TPT1: variants seen among roughly 807,000 people sequenced by gnomAD.
The protein encoded by TPT1 is tumor protein, translationally-controlled 1.
TPT1 carries 5 observed loss-of-function variants against 22.8 expected under a neutral mutation model. The observed-to-expected ratio is 0.22, with a 90% confidence interval of 0.11 to 0.46. The LOEUF is 0.46. TPT1 is among the 20% of genes least tolerant of loss of function. TPT1 has a pLI of 0.99. For synonymous variants in TPT1, 89 were observed against 73.6 expected (o/e 1.21, Z -1.07); for missense variants, 130 against 218.7 (o/e 0.59, Z 2.56).
At position 45,334,015 on chromosome 13, in the gene TPT1, C is replaced by T. The variant is rs949819764; in HGVS notation, c.*3371G>A. On this transcript the variant is annotated 3_prime_UTR_variant, in exon 6 of 6. Transcript: ENST00000530705. The stretch of plus-strand genomic sequence containing the variant: ...AGTGCAGTGGTATGATCACAGCTCA[C>T]TGCACCCTCAATCTCTCGGACTCAA... 6.6e-6 allele frequency: 1 copy of T among 152,202 alleles called. No individual in the cohort carries two copies. Among genetic ancestry groups the T allele is most frequent in the Admixed American group, 6.5e-5 (1 of 15,270 alleles). The allele number at this position is 152,202 out of a possible 1,614,324, so 9.4% of individuals were successfully genotyped here.
At position 45,336,433 on chromosome 13, in the gene TPT1, G is replaced by A. The variant is rs1878703138; in HGVS notation, c.*953C>T. 1 of 152,194 alleles carries A rather than the reference G, an allele frequency of 6.6e-6. No homozygotes were observed. The highest frequency in any genetic ancestry group is 2.4e-5 in the African/African-American group (1 of 41,436). The allele number at this position is 152,194 out of a possible 1,614,324, so 9.4% of individuals were successfully genotyped here. ...AGCAGATAGCAACTGCTCCAGGTCT[G>A]TCAAATAGATGCATTTTCTTATTCA... On this transcript the variant is annotated 3_prime_UTR_variant, in exon 6 of 6. Coordinates refer to ENST00000530705, the MANE Select transcript of TPT1 (RefSeq NM_003295.4).
In TPT1 at chr13:45,340,103, T is replaced by C. The variant is rs371945614; in HGVS notation, c.184A>G (p.Thr62Ala). 1.2e-6 allele frequency: 2 copies of C among 1,614,094 alleles called. No individual in the cohort carries two copies. The highest frequency in any genetic ancestry group is 1.3e-5 in the African/African-American group (1 of 74,934). Residue 62 changes from threonine to alanine, a missense_variant, in exon 3 of 6, where the codon ACC (threonine) becomes GCC (alanine). Coordinates refer to ENST00000530705, the MANE Select transcript of TPT1 (RefSeq NM_003295.4). Reference sequence around the variant, plus strand: ...ACACCAGTGATTACTGTGCTTTCGGTACCTTCGCCCTCGGGGCCTTCAGCG... The same window carrying C: ...ACACCAGTGATTACTGTGCTTTCGGCACCTTCGCCCTCGGGGCCTTCAGCG... ...ASAEGPEGEG[T>A]ESTVITGVDI...
intron 2 of TPT1, 88 bp from the exon 3 acceptor site, chr13:45,340,272 T>A (rs150037395): frequency 1.4e-6 from 2 of 1,457,924 alleles, no homozygotes; most frequent in African/African-American, 1.4e-5. Flanking sequence ...TAAGAAGTAT[T>A]CTTAGTTCTT....
chr13:45,340,449 A>C, intron 2 of TPT1: 1 of 737,182 alleles, frequency 1.4e-6, no homozygotes, highest in East Asian at 2.7e-5. Flanking sequence ...AAGTGGGGAC[A>C]GGACAAACAC....
chr13:45,340,350 A>C (rs1566177517), intron 2 of TPT1, 166 bp from the exon 3 acceptor site: 1 of 1,013,676 alleles, frequency 9.9e-7, no homozygotes, highest in Non-Finnish European at 1.5e-6. Context: ...AAACGACCTA[A>C]CTTAAAAGAG....
intron 3 of TPT1, 36 bp from the exon 4 acceptor site, chr13:45,339,638 A>T (rs1432395108): frequency 6.5e-7 from 1 of 1,528,562 alleles, no homozygotes. Context: ...TGAAGTATTG[A>T]ATTTTCAGTA....
chr13:45,334,558 T>C lies in TPT1; in HGVS notation c.*2828A>G, dbSNP rs1340509108. On this transcript the variant is annotated 3_prime_UTR_variant, in exon 6 of 6. Transcript: ENST00000530705. The stretch of plus-strand genomic sequence containing the variant: ...CTTCCAAACGCTCAGACCAAAATAC[T>C]TGTATCAACATTAAATCCATCCTCA... 6.6e-6 allele frequency: 1 copy of C among 152,200 alleles called. No individual in the cohort carries two copies. Among genetic ancestry groups the C allele is most frequent in the Admixed American group, 6.6e-5 (1 of 15,264 alleles). 9.4% of individuals were successfully genotyped at this position (152,200 alleles called of 1,614,324 possible). A position where few individuals can be genotyped will look rare whatever the true frequency, so the allele number is the denominator to read the frequency against.
chr13:45,337,157 CTAAAAGGCATTCTCTCAAATGAGTT>C lies in TPT1; in HGVS notation c.*204_*228del. 1 of 591,052 alleles carries C rather than the reference CTAAAAGGCATTCTCTCAAATGAGTT, an allele frequency of 1.7e-6. No individual in the cohort carries two copies. Among genetic ancestry groups the C allele is most frequent in the East Asian group, 2.8e-5 (1 of 35,258 alleles). The allele number at this position is 591,052 out of a possible 1,614,324, so 36.6% of individuals were successfully genotyped here. ...CAATTTAGTTTAAATATGCATTAAA[CTAAAAGGCATTCTCTCAAATGAGTT>C]TAAATGCATTTTATTTTTAGACAAC... On this transcript the variant is annotated 3_prime_UTR_variant, in exon 6 of 6. Coordinates refer to ENST00000530705, the MANE Select transcript of TPT1 (RefSeq NM_003295.4).
At chr13:45,338,595 A>G in intron 5 of TPT1, 65 bp downstream of exon 5, 1 of 1,580,622 alleles carries the variant, frequency 6.3e-7, no homozygotes, top group Non-Finnish European at 8.6e-7. Flanking sequence ...TCACAAAACA[A>G]TTGCAAATCA....
In TPT1 at chr13:45,336,124, A is replaced by T. The variant is rs939497434; in HGVS notation, c.*1262T>A. On this transcript the variant is annotated 3_prime_UTR_variant, in exon 6 of 6. Coordinates refer to ENST00000530705, the MANE Select transcript of TPT1 (RefSeq NM_003295.4). ...GGAGTTGAGACCACCCTGGGCAACTAAGCGATACTCGGTCTCTACAAAAAT... is the reference window on the plus strand; with the variant it reads ...GGAGTTGAGACCACCCTGGGCAACTTAGCGATACTCGGTCTCTACAAAAAT... The T allele has an allele frequency of 6.6e-6, 1 of 152,184 alleles. No individual in the cohort carries two copies. The highest frequency in any genetic ancestry group is 1.5e-5 in the Non-Finnish European group (1 of 68,040). The allele number at this position is 152,184 out of a possible 1,614,324, so 9.4% of individuals were successfully genotyped here. A position where few individuals can be genotyped will look rare whatever the true frequency, so the allele number is the denominator to read the frequency against.
intron 3 of TPT1, 116 bp from the exon 4 acceptor site, chr13:45,339,718 T>A: frequency 1.1e-6 from 1 of 944,898 alleles, no homozygotes. Context: ...AACCAGCTGT[T>A]AAGAAATTAC....
chr13:45,334,542 G>A lies in TPT1; in HGVS notation c.*2844C>T, dbSNP rs1240694319. The A allele has an allele frequency of 6.6e-6, 1 of 152,020 alleles. No homozygotes were observed. Among genetic ancestry groups the A allele is most frequent in the Non-Finnish European group, 1.5e-5 (1 of 68,030 alleles). 9.4% of individuals were successfully genotyped at this position (152,020 alleles called of 1,614,324 possible). Reference sequence around the variant, plus strand: ...CCTCAGTGCCAACTTTCTTCCAAACGCTCAGACCAAAATACTTGTATCAAC... The same window carrying A: ...CCTCAGTGCCAACTTTCTTCCAAACACTCAGACCAAAATACTTGTATCAAC... On this transcript the variant is annotated 3_prime_UTR_variant, in exon 6 of 6. Coordinates refer to ENST00000530705, the MANE Select transcript of TPT1 (RefSeq NM_003295.4).
intron 2 of TPT1, 33 bp from the exon 3 acceptor site, chr13:45,340,217 G>C (rs1566177422): frequency 6.3e-7 from 1 of 1,590,074 alleles, no homozygotes; most frequent in South Asian, 1.1e-5. Context: ...AATTGCAAAA[G>C]ACACAAACGC....
chr13:45,340,570 T>C (rs898696471), intron 2 of TPT1, 142 bp downstream of exon 2: 4 of 1,056,858 alleles, frequency 3.8e-6, no homozygotes, highest in Non-Finnish European at 5.7e-6. Context: ...GCCTCCAGTT[T>C]TCTAGAAAAA....
At chr13:45,340,425 T>C (rs1302164264) in intron 2 of TPT1, 2 of 745,236 alleles carry the variant, frequency 2.7e-6, no homozygotes, top group Non-Finnish European at 4.7e-6. Flanking sequence ...GGGCATGTGA[T>C]GCCTCCGGTT....
At position 45,337,072 on chromosome 13, in the gene TPT1, G is replaced by A. The variant is rs1454080251; in HGVS notation, c.*314C>T. On this transcript the variant is annotated 3_prime_UTR_variant, in exon 6 of 6. Transcript: ENST00000530705. Reference sequence around the variant, plus strand: ...CCCAGAAGTAGTCTCCACTGTAGAAGTTAATTGATGAGTAGTAGCCTACAA... The same window carrying A: ...CCCAGAAGTAGTCTCCACTGTAGAAATTAATTGATGAGTAGTAGCCTACAA... 1.8e-5 allele frequency: 7 copies of A among 395,490 alleles called. No individual in the cohort carries two copies. The highest frequency in any genetic ancestry group is 1.5e-4 in the East Asian group (3 of 19,792). 24.5% of individuals were successfully genotyped at this position (395,490 alleles called of 1,614,324 possible).
chr13:45,339,362 G>T, intron 4 of TPT1, 135 bp downstream of exon 4: 1 of 630,586 alleles, frequency 1.6e-6, no homozygotes, highest in Non-Finnish European at 2.5e-6. Flanking sequence ...GACAAGATTT[G>T]GAAACACCTG....
At chr13:45,339,757 G>GT (rs1878957131) in intron 3 of TPT1, 155 bp from the exon 4 acceptor site, 1 of 776,288 alleles carries the variant, frequency 1.3e-6, no homozygotes, top group Non-Finnish European at 2.0e-6. Flanking sequence ...TTTCAAGAAT[G>GT]TTTACATTTC....
intron 2 of TPT1, 168 bp downstream of exon 2, chr13:45,340,544 T>G: frequency 1.1e-6 from 1 of 899,352 alleles, no homozygotes; most frequent in Non-Finnish European, 1.8e-6. Context: ...GCGGGCCTAT[T>G]TCCAGGATCA....
Sources: gnomAD v4.1 joint callset for allele counts on GRCh38, gnomAD v4.1.1 for gene constraint, MANE v1.5 for transcripts, NCBI Gene and HGNC (gene_info 2026-07-23, HGNC 2026-07-21) for gene names.